Variants in UBR2 observed in about 807,000 individuals in gnomAD.
The protein encoded by UBR2 is E3 ubiquitin-protein ligase UBR2.
Under a neutral mutation model 247.9 loss-of-function variants are expected in UBR2, and 92 were observed. The observed-to-expected ratio is 0.37, with a 90% confidence interval of 0.31 to 0.44. The LOEUF (loss-of-function observed/expected upper bound fraction) is 0.44, where lower values mean the gene tolerates loss of function less well. UBR2 is among the 20% of genes least tolerant of loss of function. The pLI is 1.00. For synonymous variants in UBR2, 672 were observed against 693.5 expected (o/e 0.97, Z 0.49); for missense variants, 1,613 against 2,112.6 (o/e 0.76, Z 4.64).
At chr6:42,568,684 C>T (rs543437913) in intron 1 of UBR2, among the ~76,000 whole-genome samples, 6 of 151,970 alleles carry the variant, frequency 3.9e-5, no homozygotes, top group South Asian at 2.1e-4. Flanking sequence ...GAGTCAAGAT[C>T]GCGCCACTGC....
At chr6:42,676,957 A>AG in intron 40 of UBR2, 84 bp downstream of exon 40, 1 of 1,158,184 alleles carries the variant, frequency 8.6e-7, no homozygotes, top group Non-Finnish European at 1.3e-6. Flanking sequence ...TTTGTTAATT[A>AG]GGGGAATTTG....
rs61010445 is a variant in UBR2, at chr6:42,661,285, T to TA, written c.3443-887dup. On this transcript the variant is annotated intron_variant, in intron 30 of 46. Transcript: ENST00000372901. ...TCTGGGCGACAAAGCGAGACTGTCT[T>TA]AAAAAAAAAAAAGATATTTAAACTA... Among the ~76,000 whole-genome samples, 240 of 144,796 alleles carry TA rather than the reference T, an allele frequency of 1.7e-3. 1 individual carries two copies. Among genetic ancestry groups the TA allele is most frequent in the South Asian group, 0.015 (70 of 4,566 alleles). 95.0% of individuals were successfully genotyped at this position (144,796 alleles called of 152,430 possible).
Position 42,640,790 on chromosome 6 carries a change from C to T in UBR2, c.1920+520C>T, listed in dbSNP as rs140138485. 3.0e-3 allele frequency among the ~76,000 whole-genome samples: 452 copies of T among 151,976 alleles called. 2 individuals carry two copies. Among genetic ancestry groups the T allele is most frequent in the African/African-American group, 0.01 (432 of 41,458 alleles). ...TGTCACCCAGGCTGGAATGCAGTGG[C>T]GCAATCTTGGCTCACTGCAACCTCT... is the stretch of plus-strand genomic sequence containing the variant. On this transcript the variant is annotated intron_variant, in intron 16 of 46. Coordinates refer to ENST00000372901, the MANE Select transcript of UBR2 (RefSeq NM_001363705.2).
Position 42,673,837 on chromosome 6 carries a change from C to T in UBR2, c.4133C>T (p.Thr1378Ile), listed in dbSNP as rs1798574175. 6.2e-7 allele frequency: 1 copy of T among 1,614,128 alleles called. No homozygotes were observed. The highest frequency in any genetic ancestry group is 1.1e-5 in the South Asian group (1 of 91,076). The stretch of plus-strand genomic sequence containing the variant: ...ACGAGATTTGCCGCAGCACACTGGA[C>T]AGTGGCATCAGTTTCAGTGGTGCAA... ...SLTRFAAAHW[T>I]VASVSVVQGH... Residue 1378 changes from threonine (T) to isoleucine (I), a missense_variant, in exon 37 of 47, where the codon ACA (threonine) becomes ATA (isoleucine). Thr to Ile is a moderately conservative substitution (Grantham distance 89). Transcript: ENST00000372901.
Position 42,678,565 on chromosome 6 carries a change from G to A in UBR2, c.4505G>A (p.Trp1502Ter). ...GCCTTGAAAGAAATACCATCCGGCT[G>A]GCATCTGTGGAGGAGTGTCAGAGCT... Reference protein sequence around the residue: ...GSALKEIPSGWHLWRSVRAGI... With the variant: ...GSALKEIPSG Residue 1502 changes from tryptophan to a stop codon, truncating the protein, a stop_gained, in exon 41 of 47, where the codon TGG becomes TAG. Transcript: ENST00000372901. LOFTEE classifies it high-confidence loss of function. 4 of 1,610,540 alleles carry A rather than the reference G, an allele frequency of 2.5e-6. No homozygotes were observed. Among genetic ancestry groups the A allele is most frequent in the Non-Finnish European group, 3.4e-6 (4 of 1,178,934 alleles).
At chr6:42,655,014 T>C (rs1472413255) in intron 25 of UBR2, among the ~76,000 whole-genome samples, 1 of 152,168 alleles carries the variant, frequency 6.6e-6, no homozygotes, top group Non-Finnish European at 1.5e-5. Flanking sequence ...AGTATAGGTA[T>C]AGAATAAAAC....
chr6:42,611,421 A>G (rs1011091067), intron 7 of UBR2, among the ~76,000 whole-genome samples: 2 of 150,888 alleles, frequency 1.3e-5, no homozygotes, highest in African/African-American at 4.9e-5. Flanking sequence ...AGATTGTGCT[A>G]CTGCACTCCA....
chr6:42,681,187 G>C (rs1334483913), intron 42 of UBR2, among the ~76,000 whole-genome samples: 9 of 139,210 alleles, frequency 6.5e-5, no homozygotes, highest in Non-Finnish European at 1.2e-4. Flanking sequence ...AAAAAAGAAA[G>C]ACCAGCCTGG....
chr6:42,600,605 C>T (rs1256796546), intron 4 of UBR2, among the ~76,000 whole-genome samples: 1 of 131,274 alleles, frequency 7.6e-6, no homozygotes, highest in Admixed American at 8.4e-5. Context: ...CTAGGCCTGC[C>T]TCAAACTGGG....
chr6:42,679,633 C>T (rs1798913076), intron 41 of UBR2, 91 bp from the exon 42 acceptor site: 2 of 945,160 alleles, frequency 2.1e-6, no homozygotes, highest in Non-Finnish European at 3.3e-6. Flanking sequence ...AGTCTTTCAT[C>T]CTTTTTTTTT....
chr6:42,678,690 A>C, intron 41 of UBR2, 21 bp downstream of exon 41: 13 of 1,602,756 alleles, frequency 8.1e-6, no homozygotes, highest in Non-Finnish European at 1.1e-5. Flanking sequence ...CTTTCTTTCA[A>C]AACGTAGGGA....
intron 42 of UBR2, among the ~76,000 whole-genome samples, chr6:42,681,686 T>C (rs1316604957): frequency 6.6e-6 from 1 of 152,236 alleles, no homozygotes; most frequent in Non-Finnish European, 1.5e-5. Context: ...GAAGACAGCA[T>C]GACAGTTCCT....
In UBR2 at chr6:42,672,507, C is replaced by T. The variant is rs116716007; in HGVS notation, c.4087-1284C>T. 4.8e-3 allele frequency among the ~76,000 whole-genome samples: 737 copies of T among 152,176 alleles called. 3 individuals carry two copies. Among genetic ancestry groups the T allele is most frequent in the Non-Finnish European group, 7.7e-3 (525 of 67,998 alleles). ...TCTCTAATACGTTATTAGAGGGGCT[C>T]CTCAAAAGCAATCCTGTTCATATTC... On this transcript the variant is annotated intron_variant, in intron 36 of 46. Transcript: ENST00000372901.
Position 42,592,249 on chromosome 6 carries a change from T to C in UBR2, c.417+20T>C, listed in dbSNP as rs775106035. ...TATAGGGTTAGTAATGTCCAAATAATAACCATGCGCAGTATTGCATTTTAT... is the reference window on the plus strand; with the variant it reads ...TATAGGGTTAGTAATGTCCAAATAACAACCATGCGCAGTATTGCATTTTAT... On this transcript the variant is annotated intron_variant, in intron 3 of 46. Coordinates refer to ENST00000372901, the MANE Select transcript of UBR2 (RefSeq NM_001363705.2). 3.3e-6 allele frequency: 5 copies of C among 1,514,682 alleles called. No individual in the cohort carries two copies. The highest frequency in any genetic ancestry group is 4.4e-6 in the Non-Finnish European group (5 of 1,128,898). 93.8% of individuals were successfully genotyped at this position (1,514,682 alleles called of 1,614,324 possible). A position where few individuals can be genotyped will look rare whatever the true frequency, so the allele number is the denominator to read the frequency against.
intron 4 of UBR2, among the ~76,000 whole-genome samples, chr6:42,602,751 G>C (rs1731223288): frequency 8.0e-6 from 1 of 124,584 alleles, no homozygotes; most frequent in South Asian, 2.5e-4. Context: ...TTATTTTTAT[G>C]CTGTGTGTGC....
intron 11 of UBR2, among the ~76,000 whole-genome samples, chr6:42,630,209 G>A (rs1479452375): frequency 6.7e-6 from 1 of 149,648 alleles, no homozygotes; most frequent in African/African-American, 2.5e-5. Context: ...TTAATTGAGA[G>A]AGTCTTGCTC....
chr6:42,572,391 A>G (rs888488023), intron 1 of UBR2, among the ~76,000 whole-genome samples: 2 of 152,126 alleles, frequency 1.3e-5, no homozygotes, highest in African/African-American at 2.4e-5. Flanking sequence ...TGAAGAATAT[A>G]CAAGTAATAG....
intron 15 of UBR2, among the ~76,000 whole-genome samples, chr6:42,638,025 G>GT (rs1562341927): frequency 6.6e-6 from 1 of 152,090 alleles, no homozygotes; most frequent in Non-Finnish European, 1.5e-5. Context: ...GTGAGGGTAT[G>GT]TTTTTTGTTT....
In UBR2 at chr6:42,606,283, A is replaced by G. The variant is rs891173719; in HGVS notation, c.802-306A>G. Among the ~76,000 whole-genome samples, 7 of 152,170 alleles carry G rather than the reference A, an allele frequency of 4.6e-5. No individual in the cohort carries two copies. In the East Asian group the frequency reaches 1.3e-3, roughly 29 times the overall value. Reference sequence around the variant, plus strand: ...TTCATTTGAATATTGGCCCAAATGTATATTGGGTATAACTATAAGCTATTG... The same window carrying G: ...TTCATTTGAATATTGGCCCAAATGTGTATTGGGTATAACTATAAGCTATTG... On this transcript the variant is annotated intron_variant, in intron 6 of 46. Coordinates refer to ENST00000372901, the MANE Select transcript of UBR2 (RefSeq NM_001363705.2).
Sources: allele counts gnomAD v4.1 joint callset (sites outside exome capture counted in the v4.1 genomes callset), GRCh38; gene constraint gnomAD v4.1.1; transcripts MANE v1.5; gene names NCBI Gene and HGNC (gene_info 2026-07-23, HGNC 2026-07-21).